Variants in UBP1 observed in about 807,000 individuals in gnomAD.
The protein encoded by UBP1 is upstream binding protein 1.
In UBP1, 22 loss-of-function variants were observed where a neutral mutation model predicts 76.1. That is an observed-to-expected ratio of 0.29 (90% CI 0.21 to 0.41). UBP1 has a LOEUF of 0.41. UBP1 is among the 10% of genes least tolerant of loss of function. The pLI is 1.00. For synonymous variants in UBP1, 224 were observed against 237.1 expected (o/e 0.94, Z 0.51); for missense variants, 436 against 668.1 (o/e 0.65, Z 3.83).
intron 1 of UBP1, among the ~76,000 whole-genome samples, chr3:33,437,142 GAA>G (rs1227224849): frequency 6.6e-6 from 1 of 151,666 alleles, no homozygotes; most frequent in Non-Finnish European, 1.5e-5. Context: ...AGAGCCAAAA[GAA>G]AAAGAGAAGC....
At chr3:33,413,507 A>G (rs1224827126) in intron 3 of UBP1, among the ~76,000 whole-genome samples, 2 of 148,326 alleles carry the variant, frequency 1.3e-5, no homozygotes, top group African/African-American at 5.0e-5. Context: ...AGTTCGCACC[A>G]CTGCACTCCA....
chr3:33,406,884 T>C (rs2044441999), intron 8 of UBP1, among the ~76,000 whole-genome samples: 1 of 152,174 alleles, frequency 6.6e-6, no homozygotes, highest in Non-Finnish European at 1.5e-5. Flanking sequence ...ACTAAGAGTT[T>C]TGTTGTACGG....
In UBP1 at chr3:33,411,672, A is replaced by G. The variant is rs2044586144; in HGVS notation, c.464T>C (p.Val155Ala). 1 of 1,614,016 alleles carries G rather than the reference A, an allele frequency of 6.2e-7. No individual in the cohort carries two copies. The highest frequency in any genetic ancestry group is 8.5e-7 in the Non-Finnish European group (1 of 1,179,906). ...RLLDLDIPMSVGIIDTRTNPS... is the reference protein window; with the variant it reads ...RLLDLDIPMSAGIIDTRTNPS... ...ATTCGTCCTTGTGTCAATTATTCCC[A>G]CAGACATTGGAATATCTATGTTTTA... The change falls in exon 5 of 16, where the codon GTG (valine) becomes GCG (alanine). Residue 155 changes from valine (V) to alanine (A), a missense_variant. This residue lies in a region of UBP1 where 161 missense variants were observed against 237.9 expected (regional missense o/e 0.68). Transcript: ENST00000283629.
At chr3:33,422,087 G>A (rs72853010) in intron 2 of UBP1, among the ~76,000 whole-genome samples, 10,106 of 152,142 alleles carry the variant, frequency 0.066, 1,120 homozygotes, top group African/African-American at 0.23. Context: ...AGAAAAGCAA[G>A]TCTAGTGAGC....
In UBP1 at chr3:33,411,698, AAAAG is replaced by A; in HGVS notation, c.449-15_449-12del. 1 of 1,605,356 alleles carries A rather than the reference AAAAG, an allele frequency of 6.2e-7. No individual in the cohort carries two copies. ...CAGACATTGGAATATCTATGTTTTA[AAAAG>A]AAGTTACATAAAAACATCCACTTTA... On this transcript the variant is annotated splice_polypyrimidine_tract_variant and intron_variant, in intron 4 of 15. Transcript: ENST00000283629.
chr3:33,425,997 A>T (rs1026667658), intron 1 of UBP1, among the ~76,000 whole-genome samples: 6 of 9,636 alleles, frequency 6.2e-4, no homozygotes, highest in Admixed American at 3.3e-3. Context: ...GCAGCTCTGA[A>T]TATATATATA....
intron 2 of UBP1, among the ~76,000 whole-genome samples, chr3:33,419,645 C>A (rs1249167160): frequency 4.4e-5 from 6 of 136,426 alleles, no homozygotes; most frequent in African/African-American, 5.7e-5. Context: ...AAAAAAAAAA[C>A]CAGAAGAAAA....
chr3:33,400,014 A>C (rs1365908751), intron 11 of UBP1, among the ~76,000 whole-genome samples, 175 bp downstream of exon 11: 3 of 152,264 alleles, frequency 2.0e-5, no homozygotes, highest in African/African-American at 7.2e-5. Flanking sequence ...ATAGCATATA[A>C]TAAAAATACA....
At chr3:33,402,167 A>G (rs2044254360) in intron 9 of UBP1, among the ~76,000 whole-genome samples, 2 of 152,360 alleles carry the variant, frequency 1.3e-5, no homozygotes, top group South Asian at 4.1e-4. Flanking sequence ...TTAGTTCTGC[A>G]GCAAAGCCCT....
chr3:33,411,753 C>A, intron 4 of UBP1, 66 bp from the exon 5 acceptor site: 3 of 1,263,514 alleles, frequency 2.4e-6, no homozygotes, highest in Non-Finnish European at 3.5e-6. Context: ...TTACAACTTA[C>A]TATATTATGT....
chr3:33,421,437 T>C (rs900737854), intron 2 of UBP1, among the ~76,000 whole-genome samples: 6 of 152,138 alleles, frequency 3.9e-5, no homozygotes, highest in Non-Finnish European at 8.8e-5. Flanking sequence ...CATGCTCAGC[T>C]ACTTTTGTAT....
chr3:33,428,714 T>C (rs545354960), intron 1 of UBP1, among the ~76,000 whole-genome samples: 1 of 151,704 alleles, frequency 6.6e-6, no homozygotes, highest in East Asian at 1.9e-4. Flanking sequence ...CAGCAACCAG[T>C]GATCCTTTTC....
chr3:33,430,419 C>T (rs1450983401), intron 1 of UBP1, among the ~76,000 whole-genome samples: 1 of 152,104 alleles, frequency 6.6e-6, no homozygotes, highest in Non-Finnish European at 1.5e-5. Flanking sequence ...AGGGGTCTGA[C>T]AAGCAAGTGA....
Position 33,390,199 on chromosome 3 carries a change from A to G in UBP1, c.*132T>C. On this transcript the variant is annotated 3_prime_UTR_variant, in exon 16 of 16. Transcript: ENST00000283629. ...TCACCTCTCATACAGCTCATTAGAAAGGTCATCTTGTGTTTTCAATATGAA... is the reference window on the plus strand; with the variant it reads ...TCACCTCTCATACAGCTCATTAGAAGGGTCATCTTGTGTTTTCAATATGAA... The G allele has an allele frequency of 1.1e-6, 1 of 871,276 alleles. No homozygotes were observed. The allele number at this position is 871,276 out of a possible 1,614,324, so 54.0% of individuals were successfully genotyped here.
intron 3 of UBP1, among the ~76,000 whole-genome samples, chr3:33,413,553 A>G (rs1274459056): frequency 6.6e-6 from 1 of 151,886 alleles, no homozygotes; most frequent in African/African-American, 2.4e-5. Context: ...TCACAAAAAA[A>G]AAAAAAAAAA....
chr3:33,406,984 C>T (rs2044444756), intron 8 of UBP1, among the ~76,000 whole-genome samples: 1 of 152,192 alleles, frequency 6.6e-6, no homozygotes, highest in South Asian at 2.1e-4. Context: ...CTGGATATCC[C>T]TTTTTACTGA....
At chr3:33,400,837 G>A (rs562711682) in intron 10 of UBP1, 125 bp downstream of exon 10, 39 of 900,148 alleles carry the variant, frequency 4.3e-5, no homozygotes, top group African/African-American at 3.7e-4. Flanking sequence ...ATCCTGACTC[G>A]ATTACCACAC....
intron 8 of UBP1, 138 bp from the exon 9 acceptor site, chr3:33,403,042 A>G (rs1435434394): frequency 1.3e-6 from 1 of 763,278 alleles, no homozygotes; most frequent in Non-Finnish European, 2.1e-6. Context: ...CCTCACAGAC[A>G]CATGTCAAAT....
chr3:33,403,039 G>T, intron 8 of UBP1, 135 bp from the exon 9 acceptor site: 1 of 770,320 alleles, frequency 1.3e-6, no homozygotes, highest in Non-Finnish European at 2.1e-6. Flanking sequence ...CAACCTCACA[G>T]ACACATGTCA....
Sources: allele counts gnomAD v4.1 joint callset (sites outside exome capture counted in the v4.1 genomes callset), GRCh38; gene constraint gnomAD v4.1.1; regional missense constraint gnomAD v4.1.1; transcripts MANE v1.5; gene names NCBI Gene and HGNC (gene_info 2026-07-23, HGNC 2026-07-21).